TDRD15: variants seen among roughly 807,000 people sequenced by gnomAD.
TDRD15 encodes the protein tudor domain-containing protein 15.
For missense variants in TDRD15, 1,416 were observed against 904.7 expected (o/e 1.57, Z -7.25); for synonymous variants, 503 against 314.5 (o/e 1.60, Z -6.34).
chr2:21,129,833 T>C (rs1406678261), intron 2 of TDRD15, among the ~76,000 whole-genome samples: 1 of 152,188 alleles, frequency 6.6e-6, no homozygotes, highest in Non-Finnish European at 1.5e-5. Flanking sequence ...CTGGGTAATA[T>C]ATAAAGAAAA....
At chr2:21,147,060 G>A (rs1666041084), downstream of TDRD15, among the ~76,000 whole-genome samples, 1 of 152,056 alleles carries the variant, frequency 6.6e-6, no homozygotes, top group African/African-American at 2.4e-5. Context: ...AACATGTAAA[G>A]CATTTCAGTG....
chr2:21,140,896 A>T lies in TDRD15; in HGVS notation c.3429A>T (p.Gly1143=), dbSNP rs1367682433. The T allele has an allele frequency of 1.4e-6, 1 of 708,412 alleles. No homozygotes were observed. Among genetic ancestry groups the T allele is most frequent in the East Asian group, 2.7e-5 (1 of 37,240 alleles). 43.9% of individuals were successfully genotyped at this position (708,412 alleles called of 1,614,324 possible). A position where few individuals can be genotyped will look rare whatever the true frequency, so the allele number is the denominator to read the frequency against. ...TTAAAGTGTTGCTTCATGCTTATGG[A>T]AAAAGACATTGTGACCAAGCATGCT... The part of the protein sequence containing the change: ...EKIKVLLHAY[G]KRHCDQACCM... Residue 1143 remains glycine (G), a synonymous_variant, in exon 4 of 4, where the codon GGA becomes GGT. Coordinates refer to ENST00000405799, the MANE Select transcript of TDRD15 (RefSeq NM_001306137.2).
intron 3 of TDRD15, among the ~76,000 whole-genome samples, chr2:21,136,161 C>T (rs373806160): frequency 6.6e-6 from 1 of 151,912 alleles, no homozygotes; most frequent in East Asian, 1.9e-4. Context: ...GTTGTTTCTT[C>T]ATGTAAGGAA....
At chr2:21,132,942 A>C (rs1665748013) in intron 2 of TDRD15, among the ~76,000 whole-genome samples, 1 of 152,100 alleles carries the variant, frequency 6.6e-6, no homozygotes, top group Non-Finnish European at 1.5e-5. Context: ...ATTCAGCGGC[A>C]TCCCTGGCTT....
Position 21,140,258 on chromosome 2 carries a change from A to G in TDRD15, c.2791A>G (p.Met931Val). 1.4e-6 allele frequency: 1 copy of G among 715,518 alleles called. No homozygotes were observed. Among genetic ancestry groups the G allele is most frequent in the Non-Finnish European group, 2.6e-6 (1 of 383,838 alleles). 44.3% of individuals were successfully genotyped at this position (715,518 alleles called of 1,614,324 possible). Reference protein sequence around the residue: ...SSFTSAKEFLMNRGSAQYITL... With the variant: ...SSFTSAKEFLVNRGSAQYITL... ...ATTTACTAGTGCAAAAGAATTTCTT[A>G]TGAATCGTGGCTCTGCTCAGTATAT... Residue 931 changes from methionine (M) to valine (V), a missense_variant, in exon 4 of 4, where the codon ATG (methionine) becomes GTG (valine). Met to Val is a conservative substitution (Grantham distance 21). Transcript: ENST00000405799.
intron 2 of TDRD15, among the ~76,000 whole-genome samples, chr2:21,134,280 T>G (rs1388365355): frequency 1.3e-5 from 2 of 151,936 alleles, no homozygotes; most frequent in African/African-American, 4.8e-5. Context: ...TTGGGAACTT[T>G]GGATTTAAAT....
At position 21,144,123 on chromosome 2, in the gene TDRD15, C is replaced by A. The variant is rs942120821; in HGVS notation, c.*851C>A. Among the ~76,000 whole-genome samples the A allele has an allele frequency of 2.6e-5, 4 of 151,698 alleles. No individual in the cohort carries two copies. The highest frequency in any genetic ancestry group is 9.7e-5 in the African/African-American group (4 of 41,380). Reference sequence around the variant, plus strand: ...TTTTGAGTGTGCTTCTAGCATATTTCTGAACCAGATAAATTTATAAATAAA... The same window carrying A: ...TTTTGAGTGTGCTTCTAGCATATTTATGAACCAGATAAATTTATAAATAAA... On this transcript the variant is annotated 3_prime_UTR_variant, in exon 4 of 4. Transcript: ENST00000405799.
rs1665918071 is a variant in TDRD15 at position 21,141,109 on chromosome 2, T to C, written c.3642T>C (p.Cys1214=). 1.4e-6 allele frequency: 1 copy of C among 708,620 alleles called. No homozygotes were observed. The highest frequency in any genetic ancestry group is 2.6e-6 in the Non-Finnish European group (1 of 382,250). 43.9% of individuals were successfully genotyped at this position (708,620 alleles called of 1,614,324 possible). The change falls in exon 4 of 4, where the codon TGT becomes TGC. Residue 1214 remains cysteine, a synonymous_variant. Coordinates refer to ENST00000405799, the MANE Select transcript of TDRD15 (RefSeq NM_001306137.2). ...IHARFLKPSV[C]YKMEPVSKNK... ...CCAGGTTTTTGAAGCCATCAGTTTG[T>C]TATAAAATGGAACCTGTGTCAAAAA...
At chr2:21,128,745 G>A (rs1665649873) in intron 2 of TDRD15, among the ~76,000 whole-genome samples, 1 of 148,398 alleles carries the variant, frequency 6.7e-6, no homozygotes, top group Admixed American at 6.7e-5. Context: ...TATTTCAAAT[G>A]TTTTTCTAAA....
chr2:21,124,692 G>GGTGT (rs1665545862), intron 1 of TDRD15, among the ~76,000 whole-genome samples: 2 of 124,738 alleles, frequency 1.6e-5, no homozygotes, highest in African/African-American at 6.2e-5. Context: ...CTAATGCCAG[G>GGTGT]GTGCGTGTGT....
At chr2:21,124,624 T>G (rs1362919556) in intron 1 of TDRD15, among the ~76,000 whole-genome samples, 1 of 141,742 alleles carries the variant, frequency 7.1e-6, no homozygotes, top group Non-Finnish European at 1.5e-5. Flanking sequence ...TGTCAGGGTG[T>G]GTGTGTGTGA....
rs1317394464 is a variant in TDRD15, at chr2:21,141,051, T to G, written c.3584T>G (p.Ile1195Arg). 8.5e-6 allele frequency: 6 copies of G among 706,872 alleles called. No individual in the cohort carries two copies. Among genetic ancestry groups the G allele is most frequent in the Non-Finnish European group, 1.3e-5 (5 of 381,764 alleles). 43.8% of individuals were successfully genotyped at this position (706,872 alleles called of 1,614,324 possible). ...PSPVTYSERK[I>R]DQLMHPKNIH... ...CCAGTAACATATTCCGAAAGAAAAATAGACCAATTGATGCATCCCAAAAAT... is the reference window on the plus strand; with the variant it reads ...CCAGTAACATATTCCGAAAGAAAAAGAGACCAATTGATGCATCCCAAAAAT... The change falls in exon 4 of 4, where the codon ATA becomes AGA. Residue 1195 changes from isoleucine (I) to arginine (R), a missense_variant. Transcript: ENST00000405799.
rs748307235 is a variant in TDRD15, at chr2:21,143,417, G to T, written c.*145G>T. 6.2e-5 allele frequency: 28 copies of T among 450,556 alleles called. No homozygotes were observed. The highest frequency in any genetic ancestry group is 1.0e-4 in the African/African-American group (5 of 48,746). The allele number at this position is 450,556 out of a possible 1,614,324, so 27.9% of individuals were successfully genotyped here. On this transcript the variant is annotated 3_prime_UTR_variant, in exon 4 of 4. Transcript: ENST00000405799. Reference sequence around the variant, plus strand: ...TGTAAGAACCTCTTAAGGAAAATTCGTATTAGTAAAAGATCACATTCTAGA... The same window carrying T: ...TGTAAGAACCTCTTAAGGAAAATTCTTATTAGTAAAAGATCACATTCTAGA...
downstream of TDRD15, among the ~76,000 whole-genome samples, chr2:21,145,767 A>G (rs1666021086): frequency 1.3e-5 from 2 of 151,896 alleles, no homozygotes; most frequent in South Asian, 2.1e-4. Context: ...TACCACCTCT[A>G]TTACTCTTCC....
intron 2 of TDRD15, among the ~76,000 whole-genome samples, chr2:21,128,242 AC>A (rs1248293379): frequency 6.6e-6 from 1 of 151,946 alleles, no homozygotes; most frequent in Admixed American, 6.6e-5. Flanking sequence ...GTGATATGGA[AC>A]ATATTTTTAT....
rs1192853585 is a variant in TDRD15, at chr2:21,141,571, G to T, written c.4104G>T (p.Leu1368Phe). The T allele has an allele frequency of 8.4e-6, 6 of 714,096 alleles. No individual in the cohort carries two copies. Among genetic ancestry groups the T allele is most frequent in the Non-Finnish European group, 1.3e-5 (5 of 383,338 alleles). 44.2% of individuals were successfully genotyped at this position (714,096 alleles called of 1,614,324 possible). A position where few individuals can be genotyped will look rare whatever the true frequency, so the allele number is the denominator to read the frequency against. Residue 1368 changes from leucine to phenylalanine, a missense_variant, in exon 4 of 4, where the codon TTG (leucine) becomes TTT (phenylalanine). Leu to Phe is a conservative substitution (Grantham distance 22). Transcript: ENST00000405799. ...AIYRAVIKKILPGNSFEVEFI... is the reference protein window; with the variant it reads ...AIYRAVIKKIFPGNSFEVEFI... Reference sequence around the variant, plus strand: ...ACAGGGCAGTTATTAAGAAAATTTTGCCAGGAAATTCTTTTGAAGTAGAAT... The same window carrying T: ...ACAGGGCAGTTATTAAGAAAATTTTTCCAGGAAATTCTTTTGAAGTAGAAT...
chr2:21,133,718 CA>C (rs1439458819), intron 2 of TDRD15, among the ~76,000 whole-genome samples: 1 of 151,944 alleles, frequency 6.6e-6, no homozygotes, highest in Non-Finnish European at 1.5e-5. Context: ...AGATTTTTGA[CA>C]AAATTTATAT....
chr2:21,135,216 T>C (rs1191547386), intron 3 of TDRD15, among the ~76,000 whole-genome samples: 1 of 148,598 alleles, frequency 6.7e-6, no homozygotes, highest in African/African-American at 2.4e-5. Context: ...ATATCTATAA[T>C]AAAAAAGATG....
chr2:21,128,573 C>T (rs1293235261), intron 2 of TDRD15, among the ~76,000 whole-genome samples: 2 of 152,240 alleles, frequency 1.3e-5, no homozygotes, highest in East Asian at 3.9e-4. Context: ...CCACCCACCT[C>T]AGCCTCCCAA....
Sources: allele counts gnomAD v4.1 joint callset (sites outside exome capture counted in the v4.1 genomes callset), GRCh38; gene constraint gnomAD v4.1.1; transcripts MANE v1.5; gene names NCBI Gene and HGNC (gene_info 2026-07-23, HGNC 2026-07-21).